The following FOXP1 variants were observed in gnomAD, a reference collection of about 807,000 sequenced individuals.
The protein encoded by FOXP1 is forkhead box P1.
Under a neutral mutation model 98.2 loss-of-function variants are expected in FOXP1, and 15 were observed. That is an observed-to-expected ratio of 0.15 (90% confidence interval 0.10 to 0.24). The LOEUF is 0.24. Ranked by LOEUF, FOXP1 falls within the 10% of genes least tolerant of loss-of-function variation. FOXP1 has a pLI of 1.00. For missense variants in FOXP1, 633 were observed against 848.5 expected, an observed-to-expected ratio of 0.75 and a Z score of 3.15; for synonymous variants, 371 against 314.5, an observed-to-expected ratio of 1.18 and a Z score of -1.90.
intron 13 of FOXP1, among the ~76,000 whole-genome samples, chr3:70,988,699 A>G (rs970897868): frequency 6.6e-6 from 1 of 152,260 alleles, no homozygotes; most frequent in Non-Finnish European, 1.5e-5. Context: ...TTCTATAAAA[A>G]AAGATCTTCT....
chr3:71,229,161 GT>G (rs1461048399), intron 5 of FOXP1, among the ~76,000 whole-genome samples: 1 of 152,030 alleles, frequency 6.6e-6, no homozygotes, highest in East Asian at 1.9e-4. Context: ...TTTTCCCCCA[GT>G]TTTAGCCGAG....
intron 14 of FOXP1, among the ~76,000 whole-genome samples, chr3:70,981,679 G>C (rs1263446610): frequency 1.3e-5 from 2 of 152,238 alleles, no homozygotes; most frequent in African/African-American, 2.4e-5. Flanking sequence ...GGGTGGCTGA[G>C]AGCAGCTGTG....
rs913995844 is a variant in FOXP1 at position 71,198,326 on chromosome 3, C to G, written c.56G>C (p.Gly19Ala). The G allele has an allele frequency of 6.2e-7, 1 of 1,613,264 alleles. No individual in the cohort carries two copies. Among genetic ancestry groups the G allele is most frequent in the African/African-American group, 1.3e-5 (1 of 74,652 alleles). The change falls in exon 6 of 21, where the codon GGG becomes GCG. Residue 19 changes from glycine to alanine, a missense_variant. Coordinates refer to ENST00000649528, the MANE Select transcript of FOXP1 (RefSeq NM_001349338.3). Reference sequence around the variant, plus strand: ...TAGTAAGTGGTTGCTGCCGCCCGACCCATTCTGGATGGCTGAACCGTTACT... The same window carrying G: ...TAGTAAGTGGTTGCTGCCGCCCGACGCATTCTGGATGGCTGAACCGTTACT... ...TKSNGSAIQN[G>A]SGGSNHLLEC...
intron 12 of FOXP1, among the ~76,000 whole-genome samples, chr3:71,007,756 A>C (rs915206651): frequency 2.7e-4 from 41 of 152,204 alleles, no homozygotes; most frequent in Admixed American, 1.1e-3. Context: ...CTTTCACACA[A>C]AACTCTTCAC....
intron 6 of FOXP1, among the ~76,000 whole-genome samples, chr3:71,188,385 T>G (rs2062771322): frequency 6.6e-6 from 1 of 152,012 alleles, no homozygotes; most frequent in South Asian, 2.1e-4. Flanking sequence ...GATCAGTGGA[T>G]GCTTTGCCTC....
intron 6 of FOXP1, among the ~76,000 whole-genome samples, chr3:71,182,839 C>G (rs1010351083): frequency 2.0e-5 from 3 of 152,004 alleles, no homozygotes; most frequent in Admixed American, 6.6e-5. Context: ...GCCGCCATGC[C>G]TGGCTTAATG....
chr3:71,384,062 CA>C (rs1278099486), intron 3 of FOXP1, among the ~76,000 whole-genome samples: 1 of 151,952 alleles, frequency 6.6e-6, no homozygotes, highest in Non-Finnish European at 1.5e-5. Flanking sequence ...ACTAAAAATA[CA>C]AAAAAATTAG....
chr3:71,160,698 T>C (rs900877400), intron 6 of FOXP1, among the ~76,000 whole-genome samples: 8 of 152,248 alleles, frequency 5.3e-5, no homozygotes, highest in Admixed American at 5.2e-4. Flanking sequence ...CTCATGGGAC[T>C]GCACAGATAA....
intron 6 of FOXP1, among the ~76,000 whole-genome samples, chr3:71,127,676 G>A (rs540657176): frequency 1.3e-5 from 2 of 152,308 alleles, no homozygotes; most frequent in South Asian, 2.1e-4. Context: ...GGTCTAGCCT[G>A]AGCATTAAAT....
intron 11 of FOXP1, among the ~76,000 whole-genome samples, chr3:71,039,643 T>C (rs2106834605): frequency 6.6e-6 from 1 of 152,092 alleles, no homozygotes; most frequent in Non-Finnish European, 1.5e-5. Flanking sequence ...AAAGATGTAA[T>C]TCAATCGCTC....
In FOXP1 at chr3:71,281,038, A is replaced by AC. The variant is rs759238883; in HGVS notation, c.-12+18781dup. Among the ~76,000 whole-genome samples, 80 of 72,728 alleles carry AC rather than the reference A, an allele frequency of 1.1e-3. 1 individual carries two copies. In the East Asian group the frequency reaches 0.072, roughly 66 times the overall value. The allele number at this position is 72,728 out of a possible 152,430, so 47.7% of individuals were successfully genotyped here. Reference sequence around the variant, plus strand: ...GGCAACATGGCAAAGCCCCTTCTCTACAAAAAAAAAAAAAAAAAAAAAAGA... The same window carrying AC: ...GGCAACATGGCAAAGCCCCTTCTCTACCAAAAAAAAAAAAAAAAAAAAAAGA... On this transcript the variant is annotated intron_variant, in intron 5 of 20. Transcript: ENST00000649528.
chr3:71,394,626 GAC>G (rs1229614919), intron 3 of FOXP1, among the ~76,000 whole-genome samples: 11 of 152,150 alleles, frequency 7.2e-5, no homozygotes, highest in Non-Finnish European at 1.6e-4. Context: ...TTTTGTATAT[GAC>G]TTTGCATTTG....
chr3:71,233,816 A>T (rs1318035973), intron 5 of FOXP1, among the ~76,000 whole-genome samples: 1 of 152,188 alleles, frequency 6.6e-6, no homozygotes, highest in African/African-American at 2.4e-5. Flanking sequence ...AAAACTTTTT[A>T]AAATGCATAA....
intron 3 of FOXP1, among the ~76,000 whole-genome samples, chr3:71,432,722 A>AT (rs1443618893): frequency 6.6e-6 from 1 of 151,718 alleles, no homozygotes; most frequent in Non-Finnish European, 1.5e-5. Context: ...TATCCCCCCC[A>AT]TCCAAAGAAG....
At chr3:71,134,286 G>C (rs529903306) in intron 6 of FOXP1, among the ~76,000 whole-genome samples, 1 of 152,296 alleles carries the variant, frequency 6.6e-6, no homozygotes, top group Non-Finnish European at 1.5e-5. Context: ...TGGACACCAA[G>C]GTTTAATGAT....
intron 6 of FOXP1, among the ~76,000 whole-genome samples, chr3:71,131,810 G>A (rs2059587017): frequency 6.6e-6 from 1 of 152,184 alleles, no homozygotes; most frequent in South Asian, 2.1e-4. Context: ...CAGAAATCAA[G>A]AGACATATTA....
At chr3:71,526,368 G>A (rs1162563305) in intron 2 of FOXP1, among the ~76,000 whole-genome samples, 1 of 152,036 alleles carries the variant, frequency 6.6e-6, no homozygotes, top group Non-Finnish European at 1.5e-5. Context: ...TCTCTGCCAG[G>A]GAAATCTTTA....
At chr3:71,197,345 G>T (rs1483991369) in intron 6 of FOXP1, among the ~76,000 whole-genome samples, 2 of 152,014 alleles carry the variant, frequency 1.3e-5, no homozygotes, top group African/African-American at 4.8e-5. Context: ...TGATTCCGAG[G>T]AATCAGGAAA....
Position 71,053,985 on chromosome 3 carries a change from T to C in FOXP1, c.283-212A>G, listed in dbSNP as rs1288979. Among the ~76,000 whole-genome samples, 38,752 of 152,154 alleles carry C rather than the reference T, an allele frequency of 0.25. 11,767 individuals carry two copies. Among genetic ancestry groups the C allele is most frequent in the African/African-American group, 0.73 (30,296 of 41,484 alleles). ...GAAAAGTAAAATCTTGCAGTACTGATGGGGGTTCCAGGCAGCCTTGCAAGC... is the reference window on the plus strand; with the variant it reads ...GAAAAGTAAAATCTTGCAGTACTGACGGGGGTTCCAGGCAGCCTTGCAAGC... On this transcript the variant is annotated intron_variant, in intron 7 of 20. Transcript: ENST00000649528.
Sources: allele counts gnomAD v4.1 joint callset (sites outside exome capture counted in the v4.1 genomes callset), GRCh38; gene constraint gnomAD v4.1.1; transcripts MANE v1.5; gene names NCBI Gene and HGNC (gene_info 2026-07-23, HGNC 2026-07-21).